EFCAB11: variants seen among roughly 807,000 people sequenced by gnomAD.
EFCAB11 encodes EF-hand calcium binding domain 11, also known as EF-hand calcium-binding domain-containing protein 11.
Under a neutral mutation model 23.0 loss-of-function variants are expected in EFCAB11, and 14 were observed. The observed-to-expected ratio is 0.61, with a 90% CI of 0.40 to 0.95. EFCAB11 has a LOEUF of 0.95. Among genes scored for constraint, EFCAB11 ranks in the 40% least tolerant of loss-of-function variants. EFCAB11 has a pLI of 0.00. For synonymous variants in EFCAB11, 65 were observed against 66.6 expected (o/e 0.98, Z 0.11); for missense variants, 198 against 195.8 (o/e 1.01, Z -0.07).
At chr14:89,808,747 AGTCCACT>A (rs752296663) in intron 5 of EFCAB11, among the ~76,000 whole-genome samples, 4 of 152,252 alleles carry the variant, frequency 2.6e-5, no homozygotes, top group Non-Finnish European at 5.9e-5. Context: ...CTATTAATGG[AGTCCACT>A]CACAATAAAA....
chr14:89,820,587 C>T (rs1490524847), intron 5 of EFCAB11, among the ~76,000 whole-genome samples: 1 of 151,962 alleles, frequency 6.6e-6, no homozygotes, highest in Non-Finnish European at 1.5e-5. Flanking sequence ...CGTTAGAAGA[C>T]TCCCACTCGG....
intron 3 of EFCAB11, chr14:89,938,250 G>C (rs1276517149): frequency 6.6e-6 from 1 of 152,062 alleles, no homozygotes; most frequent in South Asian, 2.1e-4. Context: ...AGAAAGGAAG[G>C]GTTCATGTTC....
chr14:89,859,660 C>G (rs1186425370), intron 5 of EFCAB11, among the ~76,000 whole-genome samples: 1 of 152,084 alleles, frequency 6.6e-6, no homozygotes, highest in Admixed American at 6.5e-5. Context: ...ACCAGAGGTG[C>G]TAGGTGCCAG....
intron 5 of EFCAB11, among the ~76,000 whole-genome samples, chr14:89,860,366 A>AAAAC (rs372088634): frequency 0.055 from 8,397 of 151,500 alleles, 281 homozygotes; most frequent in African/African-American, 0.083. Flanking sequence ...ACTCCATCTC[A>AAAAC]AAACAAACAA....
At chr14:89,868,724 G>A (rs551024940) in intron 5 of EFCAB11, among the ~76,000 whole-genome samples, 1 of 152,144 alleles carries the variant, frequency 6.6e-6, no homozygotes, top group Non-Finnish European at 1.5e-5. Flanking sequence ...AGACAAATCA[G>A]CAAACTAAGG....
At chr14:89,891,856 C>G (rs1261694450) in intron 5 of EFCAB11, among the ~76,000 whole-genome samples, 1 of 152,054 alleles carries the variant, frequency 6.6e-6, no homozygotes, top group Non-Finnish European at 1.5e-5. Flanking sequence ...CGGCGGTGGG[C>G]AAGACGTCGC....
chr14:89,841,566 G>A (rs1887271037), intron 5 of EFCAB11, among the ~76,000 whole-genome samples: 1 of 151,978 alleles, frequency 6.6e-6, no homozygotes, highest in Non-Finnish European at 1.5e-5. Context: ...TCGTTACTAA[G>A]TCAAAAAGAC....
At chr14:89,855,279 C>A (rs188070954) in intron 5 of EFCAB11, among the ~76,000 whole-genome samples, 72 of 152,022 alleles carry the variant, frequency 4.7e-4, no homozygotes, top group African/African-American at 1.6e-3. Context: ...ACTTCAAGAC[C>A]AGCCTGGGCA....
intron 5 of EFCAB11, among the ~76,000 whole-genome samples, chr14:89,879,525 CA>C (rs34987384): frequency 2.6e-4 from 39 of 148,686 alleles, no homozygotes; most frequent in South Asian, 4.2e-4. Context: ...GCCACCCCTC[CA>C]AAAAAAAAAT....
At chr14:89,922,823 T>C (rs1397072135) in intron 5 of EFCAB11, among the ~76,000 whole-genome samples, 3 of 152,248 alleles carry the variant, frequency 2.0e-5, no homozygotes, top group East Asian at 1.9e-4. Context: ...AGAAGAAAGA[T>C]ATTTATGAAA....
At chr14:89,864,658 CG>C (rs1566788731) in intron 5 of EFCAB11, among the ~76,000 whole-genome samples, 1 of 152,090 alleles carries the variant, frequency 6.6e-6, no homozygotes, top group Admixed American at 6.6e-5. Context: ...AGGCTGGTCT[CG>C]AACTCCTGGC....
intron 5 of EFCAB11, among the ~76,000 whole-genome samples, chr14:89,849,606 GTTTTTTT>G (rs55668769): frequency 8.1e-6 from 1 of 123,338 alleles, no homozygotes; most frequent in Non-Finnish European, 1.6e-5. Context: ...AAGGAAATCT[GTTTTTTT>G]TTTTTTTTTG....
At chr14:89,876,871 T>C (rs1438803783) in intron 5 of EFCAB11, among the ~76,000 whole-genome samples, 1 of 152,152 alleles carries the variant, frequency 6.6e-6, no homozygotes, top group Non-Finnish European at 1.5e-5. Context: ...ACAACGGCTG[T>C]AGGACCAGAT....
chr14:89,947,822 A>C (rs975302648), intron 3 of EFCAB11, among the ~76,000 whole-genome samples: 1 of 152,086 alleles, frequency 6.6e-6, no homozygotes, highest in African/African-American at 2.4e-5. Flanking sequence ...ATTCATTCTC[A>C]TGATTTTAAA....
intron 5 of EFCAB11, among the ~76,000 whole-genome samples, chr14:89,919,371 T>C (rs1178462572): frequency 6.6e-5 from 10 of 152,150 alleles, no homozygotes; most frequent in Admixed American, 6.5e-4. Flanking sequence ...CCCTGCAGTA[T>C]GGGTCAGAAC....
At chr14:89,925,652 T>C (rs111380883) in intron 5 of EFCAB11, among the ~76,000 whole-genome samples, 48 of 136,434 alleles carry the variant, frequency 3.5e-4, no homozygotes, top group Admixed American at 9.5e-4. Flanking sequence ...TTCTTTCTTT[T>C]TTTTTTTTTT....
At chr14:89,823,430 A>G (rs1886592471) in intron 5 of EFCAB11, among the ~76,000 whole-genome samples, 1 of 152,216 alleles carries the variant, frequency 6.6e-6, no homozygotes, top group Admixed American at 6.5e-5. Flanking sequence ...AAGCAAAAAC[A>G]ATGAGTCCAC....
At chr14:89,896,548 C>A (rs1229001309) in intron 5 of EFCAB11, among the ~76,000 whole-genome samples, 1 of 152,176 alleles carries the variant, frequency 6.6e-6, no homozygotes, top group African/African-American at 2.4e-5. Flanking sequence ...TACAACCTAG[C>A]AATTCCATTC....
intron 5 of EFCAB11, among the ~76,000 whole-genome samples, chr14:89,884,716 T>C (rs910340340): frequency 6.6e-6 from 1 of 152,262 alleles, no homozygotes; most frequent in African/African-American, 2.4e-5. Context: ...CTTTGTATTA[T>C]GTACTGAATG....
Sources: allele counts gnomAD v4.1 joint callset (sites outside exome capture counted in the v4.1 genomes callset), GRCh38; gene constraint gnomAD v4.1.1; transcripts MANE v1.5; gene names NCBI Gene and HGNC (gene_info 2026-07-23, HGNC 2026-07-21).